The following MAML3 variants were observed in gnomAD, a reference collection of about 807,000 sequenced individuals.
The protein encoded by MAML3 is mastermind-like protein 3.
In MAML3, 27 loss-of-function variants were observed where a neutral mutation model predicts 101.9. That is an observed-to-expected ratio of 0.27 (90% CI 0.20 to 0.37). The LOEUF (loss-of-function observed/expected upper bound fraction) is 0.37. Among genes scored for constraint, MAML3 ranks in the 10% least tolerant of loss-of-function variants. The probability of loss-of-function intolerance (pLI) is 1.00; values close to 1 mark genes in which losing one functional copy is unlikely to be tolerated. For synonymous variants in MAML3, 501 were observed against 555.9 expected (o/e 0.90, Z 1.39); for missense variants, 1,316 against 1,444.9 (o/e 0.91, Z 1.45).
chr4:139,931,503 C>T (rs1213906047), intron 1 of MAML3, among the ~76,000 whole-genome samples: 3 of 152,118 alleles, frequency 2.0e-5, no homozygotes, highest in Non-Finnish European at 2.9e-5. Flanking sequence ...GGTTTTTATG[C>T]TTTAATACGA....
chr4:139,743,403 C>A (rs1553882), intron 2 of MAML3, among the ~76,000 whole-genome samples: 147,809 of 152,352 alleles, frequency 0.97, 71,853 homozygotes, highest in East Asian at 1. Context: ...TGATAGACAC[C>A]GTTTCTTGTA....
intron 1 of MAML3, among the ~76,000 whole-genome samples, chr4:140,152,336 TC>T (rs34964713): frequency 6.6e-6 from 1 of 152,030 alleles, no homozygotes; most frequent in African/African-American, 2.4e-5. Context: ...CTTCCCCGCT[TC>T]CCCCCTAGGG....
rs1254299243 is a variant in MAML3, at chr4:140,153,074, C to T, written c.254G>A (p.Arg85His). Residue 85 changes from arginine to histidine, a missense_variant, in exon 1 of 5, where the codon CGT (arginine) becomes CAT (histidine). Arg to His is a conservative substitution (Grantham distance 29). Coordinates refer to ENST00000509479, the MANE Select transcript of MAML3 (RefSeq NM_018717.5). The stretch of plus-strand genomic sequence containing the variant: ...GTTCTCGCAGTTGACGTGGTGCCGA[C>T]GGCAGCCCTCGATGCGCTGGCGGAG... ...ERLRQRIEGC[R>H]RHHVNCENRY... The T allele has an allele frequency of 1.9e-6, 3 of 1,560,582 alleles. No homozygotes were observed. Among genetic ancestry groups the T allele is most frequent in the Non-Finnish European group, 2.6e-6 (3 of 1,152,208 alleles).
In MAML3 at chr4:140,025,937, T is replaced by TTTGTGTGCA. The variant is rs1411450815; in HGVS notation, c.468+126914_468+126922dup. 1.2e-4 allele frequency among the ~76,000 whole-genome samples: 19 copies of TTTGTGTGCA among 152,304 alleles called. No homozygotes were observed. The South Asian group carries it at 3.3e-3, about 27-fold the overall frequency. On this transcript the variant is annotated intron_variant, in intron 1 of 4. Coordinates refer to ENST00000509479, the MANE Select transcript of MAML3 (RefSeq NM_018717.5). ...ATGCCTGTGTGCAGGAATGTGTGAG[T>TTTGTGTGCA]TTGTGTGCATGGGCAGCTCCTCCCT...
chr4:139,752,686 C>A (rs1356555824), intron 2 of MAML3, among the ~76,000 whole-genome samples: 1 of 151,908 alleles, frequency 6.6e-6, no homozygotes, highest in Non-Finnish European at 1.5e-5. Flanking sequence ...ATATTTCTCC[C>A]GAGAGAGCAT....
intron 1 of MAML3, among the ~76,000 whole-genome samples, chr4:139,977,643 C>A (rs549423830): frequency 3.9e-5 from 6 of 152,086 alleles, no homozygotes; most frequent in African/African-American, 7.2e-5. Context: ...GAGGCCGAGG[C>A]GGTTGGATCA....
At chr4:139,788,873 T>G (rs1730354499) in intron 2 of MAML3, among the ~76,000 whole-genome samples, 1 of 152,212 alleles carries the variant, frequency 6.6e-6, no homozygotes, top group South Asian at 2.1e-4. Flanking sequence ...CTTGAGTTCT[T>G]GATGACTTTG....
At chr4:139,720,676 G>A (rs1000125134) in intron 4 of MAML3, among the ~76,000 whole-genome samples, 1 of 152,330 alleles carries the variant, frequency 6.6e-6, no homozygotes. Flanking sequence ...AGATCCTGAT[G>A]TAATTCTTGT....
At chr4:139,962,409 A>T (rs1396506731) in intron 1 of MAML3, among the ~76,000 whole-genome samples, 1 of 152,202 alleles carries the variant, frequency 6.6e-6, no homozygotes, top group Non-Finnish European at 1.5e-5. Context: ...TCTGGCAATT[A>T]AAGCTATTAA....
chr4:140,104,913 T>C (rs191730146), intron 1 of MAML3, among the ~76,000 whole-genome samples: 8 of 152,320 alleles, frequency 5.3e-5, no homozygotes, highest in African/African-American at 1.7e-4. Flanking sequence ...TGTATTTTAA[T>C]AGACTGTTAG....
intron 1 of MAML3, among the ~76,000 whole-genome samples, chr4:140,125,180 C>G (rs751379111): frequency 6.6e-6 from 1 of 152,088 alleles, no homozygotes; most frequent in Non-Finnish European, 1.5e-5. Flanking sequence ...AATATTAACA[C>G]ATATAAATGA....
intron 2 of MAML3, among the ~76,000 whole-genome samples, chr4:139,854,932 T>C (rs1222515933): frequency 6.6e-6 from 1 of 152,204 alleles, no homozygotes; most frequent in South Asian, 2.1e-4. Flanking sequence ...GGGACCATTC[T>C]CAACTCCCCG....
At chr4:139,795,373 G>A (rs1178548852) in intron 2 of MAML3, among the ~76,000 whole-genome samples, 1 of 152,206 alleles carries the variant, frequency 6.6e-6, no homozygotes, top group African/African-American at 2.4e-5. Context: ...ATTCAATTGA[G>A]TGGTTCATGC....
chr4:139,842,171 G>A (rs142411367), intron 2 of MAML3, among the ~76,000 whole-genome samples: 8 of 152,328 alleles, frequency 5.3e-5, no homozygotes, highest in African/African-American at 1.4e-4. Context: ...GAGCCCACAC[G>A]GAGTACAGAT....
intron 1 of MAML3, among the ~76,000 whole-genome samples, chr4:140,140,802 G>A (rs1728967973): frequency 6.6e-6 from 1 of 152,148 alleles, no homozygotes; most frequent in Non-Finnish European, 1.5e-5. Context: ...TGTCACAAAG[G>A]TGGAACATGA....
intron 2 of MAML3, among the ~76,000 whole-genome samples, chr4:139,796,139 A>G (rs1261920423): frequency 1.3e-5 from 2 of 152,238 alleles, no homozygotes; most frequent in Non-Finnish European, 2.9e-5. Context: ...GTATAAACAA[A>G]GGATAAGATC....
intron 1 of MAML3, among the ~76,000 whole-genome samples, chr4:139,991,048 C>T (rs1279179713): frequency 6.6e-6 from 1 of 152,214 alleles, no homozygotes; most frequent in Non-Finnish European, 1.5e-5. Flanking sequence ...TTGGAAAAAA[C>T]TACTTTAAAG....
chr4:139,763,868 A>T (rs1009771947), intron 2 of MAML3, among the ~76,000 whole-genome samples: 6 of 152,276 alleles, frequency 3.9e-5, no homozygotes, highest in Non-Finnish European at 8.8e-5. Context: ...TGAATATACC[A>T]AGTTCATGGC....
chr4:139,782,983 G>T (rs1214671041), intron 2 of MAML3, among the ~76,000 whole-genome samples: 1 of 152,098 alleles, frequency 6.6e-6, no homozygotes, highest in Non-Finnish European at 1.5e-5. Context: ...TATTTTCAGT[G>T]TTTGGGAACC....
Sources: gnomAD v4.1 joint callset for allele counts (sites outside exome capture counted in the v4.1 genomes callset) on GRCh38, gnomAD v4.1.1 for gene constraint, MANE v1.5 for transcripts, NCBI Gene and HGNC (gene_info 2026-07-23, HGNC 2026-07-21) for gene names.